Variants in CADM2 observed in about 807,000 individuals in gnomAD.
The protein encoded by CADM2 is cell adhesion molecule 2, also known as immunoglobulin superfamily member 4D.
Under a neutral mutation model 49.8 loss-of-function variants are expected in CADM2, and 12 were observed. The observed-to-expected ratio is 0.24, with a 90% confidence interval of 0.15 to 0.39. The LOEUF is 0.39. Ranked by LOEUF, CADM2 falls within the 10% of genes least tolerant of loss-of-function variation. The pLI, the probability that CADM2 is intolerant of heterozygous loss-of-function variation, is 1.00. For synonymous variants in CADM2, 214 were observed against 175.4 expected (o/e 1.22, Z -1.74); for missense variants, 378 against 492.3 (o/e 0.77, Z 2.20).
chr3:85,098,150 A>C (rs1372391921), intron 1 of CADM2, among the ~76,000 whole-genome samples: 1 of 152,110 alleles, frequency 6.6e-6, no homozygotes, highest in Admixed American at 6.6e-5. Context: ...TCTGTAGTGC[A>C]TTCTGGCATA....
chr3:86,018,599 G>A (rs373581537), intron 8 of CADM2, among the ~76,000 whole-genome samples: 8 of 152,134 alleles, frequency 5.3e-5, no homozygotes, highest in Admixed American at 3.3e-4. Flanking sequence ...ATTGCATTGC[G>A]GTTTTGATTT....
intron 8 of CADM2, among the ~76,000 whole-genome samples, chr3:86,062,258 A>T (rs554672714): frequency 2.0e-5 from 3 of 152,306 alleles, no homozygotes; most frequent in Admixed American, 2.0e-4. Flanking sequence ...TTTTGAACTG[A>T]TTCCAAAGGA....
chr3:86,037,565 T>C (rs778428235), intron 8 of CADM2, among the ~76,000 whole-genome samples: 2 of 152,172 alleles, frequency 1.3e-5, no homozygotes, highest in Non-Finnish European at 2.9e-5. Context: ...GGCTGTATTT[T>C]CATTATATTC....
Position 85,105,645 on chromosome 3 carries a change from T to G in CADM2, c.61+145977T>G, listed in dbSNP as rs563215291. The stretch of plus-strand genomic sequence containing the variant: ...TGCTGCTATAAAGACACATGCACAC[T>G]TATGTTTATTGTGACACTATTCACA... On this transcript the variant is annotated intron_variant, in intron 1 of 9. Coordinates refer to ENST00000383699, the MANE Select transcript of CADM2 (RefSeq NM_001167675.2). Among the ~76,000 whole-genome samples, 575 of 152,214 alleles carry G rather than the reference T, an allele frequency of 3.8e-3. 2 individuals are homozygous for G. Among genetic ancestry groups the G allele is most frequent in the African/African-American group, 0.013 (559 of 41,538 alleles).
At chr3:85,694,281 G>A (rs1027645377) in intron 1 of CADM2, among the ~76,000 whole-genome samples, 1 of 152,196 alleles carries the variant, frequency 6.6e-6, no homozygotes. Flanking sequence ...ACCTTTAGGA[G>A]GAAATTAAGA....
intron 1 of CADM2, among the ~76,000 whole-genome samples, chr3:85,151,940 T>A (rs1575988902): frequency 6.6e-6 from 1 of 152,202 alleles, no homozygotes; most frequent in East Asian, 1.9e-4. Context: ...ATTAAAGAGC[T>A]TTTAGATCAT....
chr3:85,673,511 C>A (rs2065806264), intron 1 of CADM2, among the ~76,000 whole-genome samples: 1 of 149,124 alleles, frequency 6.7e-6, no homozygotes, highest in African/African-American at 2.5e-5. Context: ...AAAAAACCTG[C>A]CCAAAAAAGC....
At chr3:85,006,311 T>G (rs2107233820) in intron 1 of CADM2, among the ~76,000 whole-genome samples, 1 of 152,276 alleles carries the variant, frequency 6.6e-6, no homozygotes, top group Admixed American at 6.5e-5. Flanking sequence ...GGAAGTAGAT[T>G]GGCTGTTTGA....
intron 1 of CADM2, among the ~76,000 whole-genome samples, chr3:85,154,270 G>A (rs2040026998): frequency 6.6e-6 from 1 of 152,156 alleles, no homozygotes; most frequent in Admixed American, 6.5e-5. Flanking sequence ...GAAAACCAAG[G>A]CTCGAGAACT....
At chr3:85,147,447 T>C (rs76013502) in intron 1 of CADM2, among the ~76,000 whole-genome samples, 4,652 of 152,168 alleles carry the variant, frequency 0.031, 98 homozygotes, top group East Asian at 0.044. Context: ...AGTTAAACTG[T>C]ACTCTTAATC....
chr3:85,822,268 A>C (rs2073625868), intron 3 of CADM2, among the ~76,000 whole-genome samples: 1 of 152,144 alleles, frequency 6.6e-6, no homozygotes, highest in African/African-American at 2.4e-5. Flanking sequence ...CAATTTCAGC[A>C]AGTTTAGGAT....
chr3:85,342,785 A>G (rs1480045255), intron 1 of CADM2, among the ~76,000 whole-genome samples: 1 of 152,174 alleles, frequency 6.6e-6, no homozygotes, highest in Non-Finnish European at 1.5e-5. Flanking sequence ...ATCATACTCA[A>G]TTATACATGG....
At chr3:85,215,983 T>C (rs908559732) in intron 1 of CADM2, among the ~76,000 whole-genome samples, 2 of 152,098 alleles carry the variant, frequency 1.3e-5, no homozygotes, top group Admixed American at 1.3e-4. Context: ...GATTCAAGAC[T>C]GTGTTTCCTT....
intron 8 of CADM2, among the ~76,000 whole-genome samples, chr3:85,962,824 CTAAA>C (rs1354333843): frequency 6.6e-6 from 1 of 151,856 alleles, no homozygotes; most frequent in East Asian, 1.9e-4. Flanking sequence ...TTACAGTATA[CTAAA>C]TGAGTGTTAT....
chr3:85,692,663 A>G (rs1356057792), intron 1 of CADM2, among the ~76,000 whole-genome samples: 1 of 152,166 alleles, frequency 6.6e-6, no homozygotes, highest in Admixed American at 6.5e-5. Flanking sequence ...CACTTAATCT[A>G]AGGCACTTTG....
chr3:85,568,493 T>C (rs1395991832), intron 1 of CADM2, among the ~76,000 whole-genome samples: 2 of 74,566 alleles, frequency 2.7e-5, no homozygotes, highest in African/African-American at 7.0e-5. Context: ...CTTTCTTTCT[T>C]TCTTTCTTTC....
At chr3:85,139,412 T>C (rs1303695494) in intron 1 of CADM2, among the ~76,000 whole-genome samples, 1 of 152,172 alleles carries the variant, frequency 6.6e-6, no homozygotes, top group Non-Finnish European at 1.5e-5. Flanking sequence ...AGCTTTTGAG[T>C]TGTTCTTTTA....
chr3:85,359,029 C>A (rs2032106753), intron 1 of CADM2, among the ~76,000 whole-genome samples: 1 of 152,092 alleles, frequency 6.6e-6, no homozygotes, highest in South Asian at 2.1e-4. Flanking sequence ...CTCAAGAGTC[C>A]TGTGAGACCT....
At chr3:86,059,185 T>G (rs775881573) in intron 8 of CADM2, among the ~76,000 whole-genome samples, 3 of 151,962 alleles carry the variant, frequency 2.0e-5, no homozygotes, top group Non-Finnish European at 2.9e-5. Flanking sequence ...GGCCAGAAAT[T>G]CTTCATATTT....
Sources: allele counts gnomAD v4.1 joint callset (sites outside exome capture counted in the v4.1 genomes callset), GRCh38; gene constraint gnomAD v4.1.1; transcripts MANE v1.5; gene names NCBI Gene and HGNC (gene_info 2026-07-23, HGNC 2026-07-21).